The following CDS1 variants were observed in gnomAD, a reference collection of about 807,000 sequenced individuals.
The protein encoded by CDS1 is CDP-diacylglycerol synthase 1.
Under a neutral mutation model 62.1 loss-of-function variants are expected in CDS1, and 41 were observed. The observed-to-expected ratio is 0.66, with a 90% CI of 0.51 to 0.86. The LOEUF (loss-of-function observed/expected upper bound fraction) is 0.86, where lower values mean the gene tolerates loss of function less well. Among genes scored for constraint, CDS1 ranks in the 40% least tolerant of loss-of-function variants. The probability of loss-of-function intolerance (pLI) is 0.00; values close to 1 mark genes in which losing one functional copy is unlikely to be tolerated. For missense variants in CDS1, 470 were observed against 550.1 expected (o/e 0.85, Z 1.46); for synonymous variants, 185 against 192.6 (o/e 0.96, Z 0.32).
intron 1 of CDS1, among the ~76,000 whole-genome samples, chr4:84,599,652 C>T (rs1358986900): frequency 1.3e-5 from 2 of 151,396 alleles, no homozygotes. Flanking sequence ...ATATGTATTA[C>T]ATGTACATTT....
intron 10 of CDS1, 48 bp from the exon 11 acceptor site, chr4:84,642,976 A>G (rs184423527): frequency 3.0e-5 from 47 of 1,564,026 alleles, no homozygotes; most frequent in Non-Finnish European, 3.1e-5. Context: ...GCTCAAATAC[A>G]ATTTCAGTGA....
At chr4:84,619,581 A>G (rs1205768046) in intron 5 of CDS1, 48 bp downstream of exon 5, 3 of 1,144,376 alleles carry the variant, frequency 2.6e-6, no homozygotes, top group African/African-American at 1.6e-5. Flanking sequence ...CATATTTTCC[A>G]TGTTTATTTT....
In CDS1 at chr4:84,648,675, T is replaced by C; in HGVS notation, c.1375T>C (p.Leu459=). The C allele has an allele frequency of 6.2e-7, 1 of 1,613,034 alleles. No homozygotes were observed. The highest frequency in any genetic ancestry group is 8.5e-7 in the Non-Finnish European group (1 of 1,179,454). The change falls in exon 13 of 13, where the codon TTG becomes CTG. Residue 459 remains leucine (L), a synonymous_variant. Transcript: ENST00000295887. ...LIEKGILQPT[L]KV ...TGAGAAAGGAATCCTACAACCCACC[T>C]TGAAGGTATAACTGGATCCAGAGAG...
chr4:84,639,145 G>A (rs1724305683), intron 9 of CDS1, among the ~76,000 whole-genome samples, 153 bp downstream of exon 9: 1 of 152,134 alleles, frequency 6.6e-6, no homozygotes. Flanking sequence ...TACCTCAGCA[G>A]CCCTTATCCT....
At chr4:84,641,948 C>T (rs1181331786) in intron 10 of CDS1, among the ~76,000 whole-genome samples, 1 of 152,188 alleles carries the variant, frequency 6.6e-6, no homozygotes, top group Admixed American at 6.5e-5. Context: ...AATGTCCAAG[C>T]CATCTGTTAC....
At chr4:84,586,207 AAG>A (rs1411986963) in intron 1 of CDS1, among the ~76,000 whole-genome samples, 1 of 152,140 alleles carries the variant, frequency 6.6e-6, no homozygotes, top group African/African-American at 2.4e-5. Flanking sequence ...AGTTTTGTGG[AAG>A]ACACTTTTTT....
chr4:84,620,674 A>T (rs1238473578), intron 5 of CDS1, among the ~76,000 whole-genome samples: 2 of 152,214 alleles, frequency 1.3e-5, no homozygotes, highest in Admixed American at 6.5e-5. Flanking sequence ...AGATCATAAA[A>T]ACCCCTAAGC....
intron 5 of CDS1, among the ~76,000 whole-genome samples, chr4:84,620,023 TAAAA>T (rs34828724): frequency 4.1e-5 from 5 of 121,378 alleles, no homozygotes; most frequent in Admixed American, 8.5e-5. Context: ...AACTCTTATC[TAAAA>T]AAAAAAAAAA....
intron 1 of CDS1, among the ~76,000 whole-genome samples, chr4:84,600,295 G>T (rs1485671162): frequency 6.6e-6 from 1 of 152,080 alleles, no homozygotes; most frequent in East Asian, 1.9e-4. Context: ...TTGAAAATAT[G>T]TTTCGTTCTG....
intron 5 of CDS1, among the ~76,000 whole-genome samples, chr4:84,626,874 A>G (rs528275132): frequency 1.3e-5 from 2 of 152,262 alleles, no homozygotes; most frequent in East Asian, 3.9e-4. Flanking sequence ...CTTCTTAATG[A>G]TATTTTCTTA....
chr4:84,648,447 A>T (rs1253412847), intron 12 of CDS1, 110 bp from the exon 13 acceptor site: 1 of 972,650 alleles, frequency 1.0e-6, no homozygotes, highest in Non-Finnish European at 1.5e-6. Context: ...AATTCTGTAA[A>T]GATTCCTACT....
At chr4:84,607,838 AC>A (rs1261463080) in intron 2 of CDS1, among the ~76,000 whole-genome samples, 6 of 152,218 alleles carry the variant, frequency 3.9e-5, no homozygotes, top group African/African-American at 1.4e-4. Context: ...TTTAAATGCT[AC>A]CAGTTGAATT....
At chr4:84,620,023 TAA>T (rs34828724) in intron 5 of CDS1, among the ~76,000 whole-genome samples, 3,170 of 121,336 alleles carry the variant, frequency 0.026, 114 homozygotes, top group African/African-American at 0.086. Context: ...AACTCTTATC[TAA>T]AAAAAAAAAA....
At chr4:84,636,809 G>A (rs1218476039) in intron 8 of CDS1, among the ~76,000 whole-genome samples, 1 of 152,216 alleles carries the variant, frequency 6.6e-6, no homozygotes, top group African/African-American at 2.4e-5. Context: ...ACAGGCGTGA[G>A]CCACCACACC....
chr4:84,622,558 A>G (rs1723721702), intron 5 of CDS1, among the ~76,000 whole-genome samples: 1 of 152,206 alleles, frequency 6.6e-6, no homozygotes, highest in Admixed American at 6.5e-5. Flanking sequence ...ATGCCGCTGC[A>G]CTCCAGCCTG....
intron 3 of CDS1, among the ~76,000 whole-genome samples, chr4:84,616,208 C>A (rs984136737): frequency 2.0e-5 from 3 of 152,182 alleles, no homozygotes; most frequent in African/African-American, 7.2e-5. Flanking sequence ...ATATTATATA[C>A]AAAGGTTATT....
intron 5 of CDS1, among the ~76,000 whole-genome samples, chr4:84,624,345 A>G (rs2148651465): frequency 6.6e-6 from 1 of 152,024 alleles, no homozygotes; most frequent in Admixed American, 6.6e-5. Context: ...CCCATGATAA[A>G]AATTTAGACT....
Position 84,645,454 on chromosome 4 carries a change from G to T in CDS1, c.1256+129G>T, listed in dbSNP as rs915085944. ...ATATTAAAGTGAATGGTGGCCCCTG[G>T]AATTAGAGTCTTGAGCAAGATGGTT... On this transcript the variant is annotated intron_variant, in intron 12 of 12. Transcript: ENST00000295887. 8.1e-6 allele frequency: 5 copies of T among 616,596 alleles called. No individual in the cohort carries two copies. The Middle Eastern group carries it at 1.3e-3, about 157-fold the overall frequency. The allele number at this position is 616,596 out of a possible 1,614,324, so 38.2% of individuals were successfully genotyped here. A position where few individuals can be genotyped will look rare whatever the true frequency, so the allele number is the denominator to read the frequency against.
intron 1 of CDS1, among the ~76,000 whole-genome samples, chr4:84,601,755 A>G (rs948514455): frequency 2.0e-5 from 3 of 152,062 alleles, no homozygotes; most frequent in Non-Finnish European, 4.4e-5. Context: ...TTTACTAAAA[A>G]TACAAAAATT....
Sources: gnomAD v4.1 joint callset for allele counts (sites outside exome capture counted in the v4.1 genomes callset) on GRCh38, gnomAD v4.1.1 for gene constraint, MANE v1.5 for transcripts, NCBI Gene and HGNC (gene_info 2026-07-23, HGNC 2026-07-21) for gene names.